Variants in TNS3 observed in about 807,000 individuals in gnomAD.
TNS3 encodes the protein tensin-3.
In TNS3, 45 loss-of-function variants were observed where a neutral mutation model predicts 140.9. That is an observed-to-expected ratio of 0.32 (90% CI 0.25 to 0.41). The LOEUF is 0.41. TNS3 is among the 10% of genes least tolerant of loss of function. The pLI is 1.00. For missense variants in TNS3, 1,716 were observed against 1,906.7 expected, an observed-to-expected ratio of 0.90 and a Z score of 1.86; for synonymous variants, 815 against 788.4, an observed-to-expected ratio of 1.03 and a Z score of -0.56.
intron 10 of TNS3, among the ~76,000 whole-genome samples, chr7:47,423,517 G>C (rs1045915793): frequency 6.6e-6 from 1 of 152,258 alleles, no homozygotes; most frequent in East Asian, 1.9e-4. Context: ...GCAGAGAAGG[G>C]AGAGATGGGC....
intron 20 of TNS3, among the ~76,000 whole-genome samples, chr7:47,309,852 A>C (rs1202145470): frequency 6.6e-6 from 1 of 152,242 alleles, no homozygotes; most frequent in Non-Finnish European, 1.5e-5. Context: ...ACAGTGCAGG[A>C]GTTAAACTTC....
At chr7:47,521,014 C>A (rs182865789) in intron 2 of TNS3, among the ~76,000 whole-genome samples, 7 of 152,366 alleles carry the variant, frequency 4.6e-5, no homozygotes, top group Admixed American at 3.9e-4. Flanking sequence ...TGTCATGCAA[C>A]TTACATTCCC....
intron 1 of TNS3, among the ~76,000 whole-genome samples, chr7:47,547,235 C>T (rs1799946573): frequency 6.6e-6 from 1 of 152,042 alleles, no homozygotes; most frequent in African/African-American, 2.4e-5. Context: ...GGCTCAGGAG[C>T]AAAGGGTGGG....
chr7:47,569,110 G>A (rs1488964196), intron 1 of TNS3, among the ~76,000 whole-genome samples: 1 of 152,236 alleles, frequency 6.6e-6, no homozygotes, highest in Non-Finnish European at 1.5e-5. Context: ...TGTCTTACGT[G>A]CACTCAGTCC....
At position 47,303,459 on chromosome 7, in the gene TNS3, G is replaced by A. The variant is rs201942466; in HGVS notation, c.2948C>T (p.Pro983Leu). ...AEFSGTRKDSPVLSCFPPSEL... is the reference protein window; with the variant it reads ...AEFSGTRKDSLVLSCFPPSEL... ...TGACGGCGGGAAGCAGGACAGCACT[G>A]GGGAGTCCTTCCTGGTACCGGAGAA... The change falls in exon 22 of 31, where the codon CCA becomes CTA. Residue 983 changes from proline (P) to leucine (L), a missense_variant. Pro to Leu is a moderately conservative substitution (Grantham distance 98). Around this residue, in one of 3 missense-constraint regions of TNS3, gnomAD observed 1,163 missense variants for 1,182.1 expected, o/e 0.98. Coordinates refer to ENST00000311160, the MANE Select transcript of TNS3 (RefSeq NM_022748.12). 330 of 1,612,342 alleles carry A rather than the reference G, an allele frequency of 2.0e-4. 1 individual carries two copies. The highest frequency in any genetic ancestry group is 4.9e-4 in the East Asian group (22 of 44,878).
At chr7:47,532,515 G>GC (rs2151946875) in intron 1 of TNS3, among the ~76,000 whole-genome samples, 1 of 129,170 alleles carries the variant, frequency 7.7e-6, no homozygotes, top group African/African-American at 2.6e-5. Context: ...ACTTCCAGCT[G>GC]CAGAGAGGAA....
At chr7:47,500,752 G>A (rs1182821472) in intron 3 of TNS3, among the ~76,000 whole-genome samples, 11 of 152,114 alleles carry the variant, frequency 7.2e-5, no homozygotes, top group East Asian at 1.9e-4. Flanking sequence ...GCTTTTACAC[G>A]CAGGGCCAGG....
intron 24 of TNS3, among the ~76,000 whole-genome samples, chr7:47,294,826 C>T (rs1785913499): frequency 6.6e-6 from 1 of 152,174 alleles, no homozygotes; most frequent in Non-Finnish European, 1.5e-5. Context: ...TATTGACATT[C>T]AGTTGTGGGA....
chr7:47,351,653 T>TA (rs1178496568), intron 17 of TNS3, among the ~76,000 whole-genome samples: 2 of 152,140 alleles, frequency 1.3e-5, no homozygotes, highest in African/African-American at 4.8e-5. Context: ...TGCCTCCCTT[T>TA]AACCCGTGCA....
chr7:47,489,549 C>G (rs1258443510), intron 3 of TNS3, among the ~76,000 whole-genome samples: 1 of 152,222 alleles, frequency 6.6e-6, no homozygotes, highest in East Asian at 1.9e-4. Flanking sequence ...CTACCTTTAC[C>G]CAGTTGAGGC....
intron 17 of TNS3, among the ~76,000 whole-genome samples, chr7:47,346,755 C>T (rs911792312): frequency 1.3e-5 from 2 of 152,180 alleles, no homozygotes; most frequent in South Asian, 2.1e-4. Flanking sequence ...CTGTCAGGAC[C>T]AGAGTGCCCT....
chr7:47,428,963 G>A (rs1386614502), intron 8 of TNS3, among the ~76,000 whole-genome samples: 1 of 152,150 alleles, frequency 6.6e-6, no homozygotes, highest in Non-Finnish European at 1.5e-5. Flanking sequence ...CCAGCCCACA[G>A]ACCAGCAACA....
intron 4 of TNS3, among the ~76,000 whole-genome samples, chr7:47,442,892 C>T (rs1795538414): frequency 6.6e-6 from 1 of 152,380 alleles, no homozygotes; most frequent in East Asian, 1.9e-4. Context: ...CCGATCACAC[C>T]TGGGATCCCA....
chr7:47,374,232 C>T (rs557535859), intron 16 of TNS3, among the ~76,000 whole-genome samples: 1 of 152,336 alleles, frequency 6.6e-6, no homozygotes, highest in Admixed American at 6.5e-5. Flanking sequence ...TATCTGGCCA[C>T]AGTGTGCTTG....
chr7:47,280,497 A>T, intron 28 of TNS3, 143 bp from the exon 29 acceptor site: 1 of 788,612 alleles, frequency 1.3e-6, no homozygotes, highest in Non-Finnish European at 2.2e-6. Flanking sequence ...TGGAGAGAAG[A>T]AAGTGCGTGC....
At chr7:47,543,693 T>A (rs1463185367) in intron 1 of TNS3, among the ~76,000 whole-genome samples, 4 of 152,184 alleles carry the variant, frequency 2.6e-5, no homozygotes, top group African/African-American at 9.7e-5. Flanking sequence ...GATAACGTGA[T>A]GAATGAGAGT....
intron 4 of TNS3, among the ~76,000 whole-genome samples, chr7:47,479,631 C>A (rs1797341356): frequency 6.6e-6 from 1 of 152,220 alleles, no homozygotes; most frequent in Admixed American, 6.5e-5. Context: ...ACATGTTTCT[C>A]ATAGTTTGTC....
chr7:47,384,397 C>A (rs374999876), intron 16 of TNS3, among the ~76,000 whole-genome samples: 1 of 152,258 alleles, frequency 6.6e-6, no homozygotes, highest in Non-Finnish European at 1.5e-5. Context: ...GCCCTGCGGG[C>A]TGCCATTGCC....
intron 4 of TNS3, chr7:47,470,472 A>C: frequency 4.1e-6 from 4 of 985,508 alleles, no homozygotes; most frequent in Non-Finnish European, 4.8e-6. Context: ...GCAGACGTCC[A>C]GTCATCAGAC....
Sources: allele counts gnomAD v4.1 joint callset (sites outside exome capture counted in the v4.1 genomes callset), GRCh38; gene constraint gnomAD v4.1.1; regional missense constraint gnomAD v4.1.1; transcripts MANE v1.5; gene names NCBI Gene and HGNC (gene_info 2026-07-23, HGNC 2026-07-21).